Variants in GRID1 observed in about 807,000 individuals in gnomAD.
GRID1 encodes the protein glutamate receptor ionotropic, delta-1.
GRID1 carries 28 observed loss-of-function variants against 98.0 expected under a neutral mutation model. The observed-to-expected ratio is 0.29, with a 90% CI of 0.21 to 0.39. GRID1 has a LOEUF of 0.39. Ranked by LOEUF, GRID1 falls within the 10% of genes least tolerant of loss-of-function variation. The pLI, the probability that GRID1 is intolerant of heterozygous loss-of-function variation, is 1.00. For synonymous variants in GRID1, 553 were observed against 538.5 expected, an observed-to-expected ratio of 1.03 and a Z score of -0.37; for missense variants, 1,111 against 1,340.5, an observed-to-expected ratio of 0.83 and a Z score of 2.67.
chr10:85,761,315 A>G (rs1842145040), intron 8 of GRID1, among the ~76,000 whole-genome samples: 1 of 152,194 alleles, frequency 6.6e-6, no homozygotes, highest in Non-Finnish European at 1.5e-5. Context: ...AGCTTTAGAA[A>G]CAGCTTGTTT....
At chr10:86,268,262 A>G (rs1847134445) in intron 2 of GRID1, among the ~76,000 whole-genome samples, 1 of 152,012 alleles carries the variant, frequency 6.6e-6, no homozygotes, top group African/African-American at 2.4e-5. Context: ...GGCCAATAAA[A>G]TGGAAGCCGT....
chr10:85,762,071 C>T (rs897371740), intron 8 of GRID1, among the ~76,000 whole-genome samples: 13 of 152,126 alleles, frequency 8.5e-5, no homozygotes. Flanking sequence ...TTTGCTCCAC[C>T]CACAGTCGCT....
intron 2 of GRID1, among the ~76,000 whole-genome samples, chr10:86,244,397 T>C (rs1481219128): frequency 6.6e-6 from 1 of 152,238 alleles, no homozygotes; most frequent in African/African-American, 2.4e-5. Flanking sequence ...CAGGAACTAT[T>C]GTCTGGTAAG....
intron 2 of GRID1, among the ~76,000 whole-genome samples, chr10:86,360,176 A>AG (rs1848582712): frequency 6.6e-6 from 1 of 152,370 alleles, no homozygotes; most frequent in African/African-American, 2.4e-5. Context: ...TTATAAAAAA[A>AG]AAAGTTTTGA....
intron 4 of GRID1, among the ~76,000 whole-genome samples, chr10:86,006,180 G>A (rs1178312847): frequency 6.6e-6 from 1 of 152,182 alleles, no homozygotes; most frequent in Non-Finnish European, 1.5e-5. Flanking sequence ...GGTTCTAGAT[G>A]TCCAAAGTGG....
chr10:86,215,583 G>T (rs773889692), intron 2 of GRID1, among the ~76,000 whole-genome samples: 1 of 152,060 alleles, frequency 6.6e-6, no homozygotes, highest in Non-Finnish European at 1.5e-5. Context: ...TGAGTCCTGG[G>T]CATGCCTGCA....
At chr10:86,039,746 T>C (rs1843320068) in intron 4 of GRID1, among the ~76,000 whole-genome samples, 1 of 152,212 alleles carries the variant, frequency 6.6e-6, no homozygotes. Context: ...TGTCGGGAAA[T>C]AGTGGAAAAT....
chr10:85,806,962 A>G (rs544516080), intron 8 of GRID1, among the ~76,000 whole-genome samples: 4 of 152,300 alleles, frequency 2.6e-5, no homozygotes, highest in African/African-American at 9.6e-5. Context: ...TTTAAACTTT[A>G]CAAAATGTAA....
intron 2 of GRID1, among the ~76,000 whole-genome samples, chr10:86,220,139 GTTCATTCA>G (rs936787480): frequency 6.6e-6 from 1 of 152,172 alleles, no homozygotes; most frequent in Non-Finnish European, 1.5e-5. Flanking sequence ...CTCGGGAAGT[GTTCATTCA>G]TTCATTCATT....
chr10:86,310,105 C>A (rs187446312), intron 2 of GRID1, among the ~76,000 whole-genome samples: 84 of 152,330 alleles, frequency 5.5e-4, no homozygotes, highest in African/African-American at 1.7e-3. Context: ...GAATCCTGTG[C>A]CCAGGGCAGT....
chr10:86,312,772 G>A (rs983373417), intron 2 of GRID1, among the ~76,000 whole-genome samples: 3 of 152,242 alleles, frequency 2.0e-5, no homozygotes, highest in African/African-American at 7.2e-5. Flanking sequence ...CACATAGACT[G>A]CAGTGAACAG....
intron 4 of GRID1, among the ~76,000 whole-genome samples, chr10:85,942,227 G>C (rs1360549927): frequency 6.6e-6 from 1 of 152,212 alleles, no homozygotes; most frequent in Non-Finnish European, 1.5e-5. Context: ...AAAGCTTCCA[G>C]ATGCTATCCT....
chr10:85,931,192 C>T (rs1465488530), intron 4 of GRID1, among the ~76,000 whole-genome samples: 3 of 151,916 alleles, frequency 2.0e-5, no homozygotes, highest in African/African-American at 7.3e-5. Flanking sequence ...CCTACTCTCC[C>T]TCCTCCCCTT....
chr10:85,975,874 A>G (rs1842465969), intron 4 of GRID1, among the ~76,000 whole-genome samples: 1 of 152,242 alleles, frequency 6.6e-6, no homozygotes, highest in Non-Finnish European at 1.5e-5. Flanking sequence ...TATTTCATCT[A>G]CATGAAAAAT....
intron 5 of GRID1, among the ~76,000 whole-genome samples, chr10:85,895,610 T>TCTCC (rs1841281535): frequency 6.6e-6 from 1 of 152,142 alleles, no homozygotes; most frequent in Non-Finnish European, 1.5e-5. Context: ...GGTACACATC[T>TCTCC]CTCCCAGTAC....
chr10:85,907,653 A>C (rs573298629), intron 5 of GRID1, among the ~76,000 whole-genome samples: 1 of 152,340 alleles, frequency 6.6e-6, no homozygotes, highest in African/African-American at 2.4e-5. Context: ...AAAAGAGAGA[A>C]TACTTCCCAA....
At chr10:86,106,405 G>T (rs557456658) in intron 4 of GRID1, among the ~76,000 whole-genome samples, 1 of 152,274 alleles carries the variant, frequency 6.6e-6, no homozygotes, top group South Asian at 2.1e-4. Flanking sequence ...CTAGATTATG[G>T]GATGGAGGGA....
At chr10:85,646,871 C>A in intron 13 of GRID1, 1 of 335,862 alleles carries the variant, frequency 3.0e-6, no homozygotes, top group Non-Finnish European at 5.7e-6. Context: ...GCTTGGCACT[C>A]TGCTACTGCT....
chr10:86,261,767 G>GCA (rs202120379), intron 2 of GRID1, among the ~76,000 whole-genome samples: 1 of 148,362 alleles, frequency 6.7e-6, no homozygotes, highest in African/African-American at 2.4e-5. Context: ...CATTGAGGTG[G>GCA]CACACACACA....
Sources: allele counts gnomAD v4.1 joint callset (sites outside exome capture counted in the v4.1 genomes callset), GRCh38; gene constraint gnomAD v4.1.1; transcripts MANE v1.5; gene names NCBI Gene and HGNC (gene_info 2026-07-23, HGNC 2026-07-21).